The following SYT16 variants were observed in gnomAD, a reference collection of about 807,000 sequenced individuals.
The protein encoded by SYT16 is synaptotagmin-16.
A neutral mutation model predicts 61.4 loss-of-function variants in SYT16; 42 were observed. The observed-to-expected ratio is 0.68, with a 90% CI of 0.53 to 0.89. The LOEUF is 0.89. Ranked by LOEUF, SYT16 falls within the 40% of genes least tolerant of loss-of-function variation. The probability of loss-of-function intolerance (pLI) is 0.00; values close to 1 mark genes in which losing one functional copy is unlikely to be tolerated. For synonymous variants in SYT16, 314 were observed against 302.3 expected (o/e 1.04, Z -0.40); for missense variants, 804 against 807.3 (o/e 1.00, Z 0.05).
At chr14:61,936,705 C>G (rs1011069353) in intron 1 of SYT16, among the ~76,000 whole-genome samples, 1 of 152,158 alleles carries the variant, frequency 6.6e-6, no homozygotes, top group Non-Finnish European at 1.5e-5. Flanking sequence ...CTCCTCCGTT[C>G]TATGTCTGCC....
At chr14:61,843,842 C>T (rs1323296980) in intron 1 of SYT16, among the ~76,000 whole-genome samples, 1 of 152,162 alleles carries the variant, frequency 6.6e-6, no homozygotes, top group Non-Finnish European at 1.5e-5. Flanking sequence ...TAATGTGATT[C>T]TTCCAGTTTT....
intron 1 of SYT16, among the ~76,000 whole-genome samples, chr14:61,821,902 A>G (rs2045629886): frequency 6.6e-6 from 1 of 152,190 alleles, no homozygotes; most frequent in South Asian, 2.1e-4. Flanking sequence ...TTCCTCTTTA[A>G]GACTTTAGAT....
chr14:61,846,521 C>G (rs998034725), intron 1 of SYT16, among the ~76,000 whole-genome samples: 3 of 152,002 alleles, frequency 2.0e-5, no homozygotes, highest in African/African-American at 7.3e-5. Flanking sequence ...TATCTTTTTC[C>G]ATCCCTTTAT....
chr14:61,814,326 G>A (rs557483358), intron 1 of SYT16, among the ~76,000 whole-genome samples: 47 of 152,208 alleles, frequency 3.1e-4, no homozygotes, highest in African/African-American at 1.0e-3. Context: ...ACTTAACAAA[G>A]TAAGACTCAA....
chr14:62,067,004 G>A (rs1595332864), intron 3 of SYT16, among the ~76,000 whole-genome samples: 1 of 152,186 alleles, frequency 6.6e-6, no homozygotes, highest in African/African-American at 2.4e-5. Flanking sequence ...TCTGGAAGAA[G>A]TGATGTCTAA....
intron 1 of SYT16, among the ~76,000 whole-genome samples, chr14:61,872,882 T>C (rs2047373184): frequency 6.6e-6 from 1 of 152,248 alleles, no homozygotes; most frequent in Admixed American, 6.5e-5. Flanking sequence ...ATAAATTGTT[T>C]ACACATTGGT....
At chr14:62,092,793 T>C (rs1959956) in intron 7 of SYT16, among the ~76,000 whole-genome samples, 72,201 of 151,648 alleles carry the variant, frequency 0.48, 17,400 homozygotes, top group Middle Eastern at 0.56. Context: ...GAAAAGAGTT[T>C]TGGAGATGGA....
At chr14:61,926,568 C>T (rs1355485832) in intron 1 of SYT16, among the ~76,000 whole-genome samples, 3 of 152,062 alleles carry the variant, frequency 2.0e-5, no homozygotes, top group Admixed American at 6.6e-5. Context: ...AGGACAGCAC[C>T]TTGGACTCTT....
At chr14:61,913,441 T>TA (rs1412632938) in intron 1 of SYT16, among the ~76,000 whole-genome samples, 2 of 152,208 alleles carry the variant, frequency 1.3e-5, no homozygotes, top group Non-Finnish European at 2.9e-5. Flanking sequence ...TTTTTCTTTT[T>TA]ACATCTTTAA....
At chr14:62,029,506 T>G (rs1959316) in intron 3 of SYT16, among the ~76,000 whole-genome samples, 93,406 of 152,042 alleles carry the variant, frequency 0.61, 30,559 homozygotes, top group African/African-American at 0.85. Context: ...TGGAGATCAT[T>G]TGGAACTCTA....
chr14:61,937,614 C>A (rs1035903696), intron 1 of SYT16, among the ~76,000 whole-genome samples: 3 of 152,166 alleles, frequency 2.0e-5, no homozygotes, highest in African/African-American at 7.2e-5. Flanking sequence ...GGGCAGGAAG[C>A]CCCACTTGCC....
At chr14:62,074,859 T>C (rs1022798503) in intron 4 of SYT16, among the ~76,000 whole-genome samples, 10 of 152,218 alleles carry the variant, frequency 6.6e-5, no homozygotes, top group African/African-American at 2.4e-4. Context: ...CAAAATGCTG[T>C]GTCGATTTTA....
At chr14:61,946,943 C>T (rs558320028) in intron 1 of SYT16, among the ~76,000 whole-genome samples, 15 of 152,182 alleles carry the variant, frequency 9.9e-5, no homozygotes, top group South Asian at 4.2e-4. Flanking sequence ...GGACAAAGAA[C>T]GGTTGGACTG....
chr14:61,844,053 T>G (rs1442525652), intron 1 of SYT16, among the ~76,000 whole-genome samples: 2 of 152,330 alleles, frequency 1.3e-5, no homozygotes, highest in East Asian at 1.9e-4. Context: ...ATCTTTCCAT[T>G]TTTTGGTGCC....
At chr14:61,977,908 G>C (rs977695879) in intron 2 of SYT16, among the ~76,000 whole-genome samples, 1 of 152,224 alleles carries the variant, frequency 6.6e-6, no homozygotes, top group Admixed American at 6.5e-5. Context: ...TGAAATCAAG[G>C]TGTCAGCAGG....
chr14:62,072,160 T>C (rs2056321604), intron 4 of SYT16, among the ~76,000 whole-genome samples: 1 of 152,106 alleles, frequency 6.6e-6, no homozygotes, highest in African/African-American at 2.4e-5. Context: ...GCAGTAACCT[T>C]ATTTTTGTGT....
chr14:62,059,732 T>C (rs1006014987), intron 3 of SYT16, among the ~76,000 whole-genome samples: 2 of 147,718 alleles, frequency 1.4e-5, no homozygotes, highest in African/African-American at 5.0e-5. Context: ...TATAGCTACA[T>C]ATATAAATTA....
At chr14:61,962,927 T>G (rs2140505777) in intron 1 of SYT16, among the ~76,000 whole-genome samples, 1 of 152,316 alleles carries the variant, frequency 6.6e-6, no homozygotes, top group Middle Eastern at 3.4e-3. Flanking sequence ...ATTTGTGTTT[T>G]CTTATAGCTC....
intron 1 of SYT16, among the ~76,000 whole-genome samples, chr14:61,950,810 T>G (rs2050640518): frequency 6.6e-6 from 1 of 152,176 alleles, no homozygotes; most frequent in African/African-American, 2.4e-5. Flanking sequence ...TTTTTGTAAT[T>G]AAAAAGAACC....
Sources: allele counts gnomAD v4.1 joint callset (sites outside exome capture counted in the v4.1 genomes callset), GRCh38; gene constraint gnomAD v4.1.1; transcripts MANE v1.5; gene names NCBI Gene and HGNC (gene_info 2026-07-23, HGNC 2026-07-21).